BSN: variants seen among roughly 807,000 people sequenced by gnomAD.
The protein encoded by BSN is bassoon presynaptic cytomatrix protein.
In BSN, 57 loss-of-function variants were observed where a neutral mutation model predicts 264.8. The observed-to-expected ratio is 0.22, with a 90% CI of 0.17 to 0.27. The LOEUF is 0.27. BSN is among the 10% of genes least tolerant of loss of function. The probability of loss-of-function intolerance (pLI) is 1.00; values close to 1 mark genes in which losing one functional copy is unlikely to be tolerated. For synonymous variants in BSN, 2,059 were observed against 2,137.3 expected (o/e 0.96, Z 1.01); for missense variants, 4,615 against 5,232.5 (o/e 0.88, Z 3.64).
intron 1 of BSN, among the ~76,000 whole-genome samples, chr3:49,583,105 A>G (rs1020841146): frequency 3.9e-5 from 6 of 152,080 alleles, no homozygotes; most frequent in Admixed American, 3.9e-4. Flanking sequence ...AGTAGCTGGG[A>G]TTACAGGTGC....
intron 2 of BSN, among the ~76,000 whole-genome samples, chr3:49,628,692 G>C (rs1245128393): frequency 6.6e-6 from 1 of 152,240 alleles, no homozygotes; most frequent in Non-Finnish European, 1.5e-5. Flanking sequence ...GGAGCTCAGA[G>C]CACAGTCCCT....
chr3:49,603,752 A>G (rs929945500), intron 1 of BSN, among the ~76,000 whole-genome samples: 1 of 152,320 alleles, frequency 6.6e-6, no homozygotes, highest in Middle Eastern at 3.4e-3. Context: ...TATTTAATGC[A>G]TTCACAATAT....
rs2108019313 is a variant in BSN, at chr3:49,585,578, A to C, written c.224+30752A>C. 6.6e-6 allele frequency among the ~76,000 whole-genome samples: 1 copy of C among 152,344 alleles called. No individual in the cohort carries two copies. Among genetic ancestry groups the C allele is most frequent in the African/African-American group, 2.4e-5 (1 of 41,590 alleles). On this transcript the variant is annotated intron_variant, in intron 1 of 11. Transcript: ENST00000296452. This position sits in a 1 kb window ranked among gnomAD's most constrained non-coding sequence, Gnocchi z 4.7. ...CCGGTCCGCCGCCGGTTTCCTTGGAAGTTAAATCTTGGAGGATTTGTCCAC... is the reference window on the plus strand; with the variant it reads ...CCGGTCCGCCGCCGGTTTCCTTGGACGTTAAATCTTGGAGGATTTGTCCAC...
At chr3:49,606,761 T>A (rs1303680857) in intron 1 of BSN, among the ~76,000 whole-genome samples, 1 of 152,126 alleles carries the variant, frequency 6.6e-6, no homozygotes, top group Non-Finnish European at 1.5e-5. Flanking sequence ...CAAGCTACCT[T>A]GAGTCCCCAG....
chr3:49,637,506 G>A (rs1355887243), intron 2 of BSN, among the ~76,000 whole-genome samples: 1 of 152,186 alleles, frequency 6.6e-6, no homozygotes, highest in Non-Finnish European at 1.5e-5. Flanking sequence ...ACCAGGGAGT[G>A]ACCATTGCAG....
At position 49,642,538 on chromosome 3, in the gene BSN, G is replaced by A. The variant is rs750415602; in HGVS notation, c.904G>A (p.Val302Met). 1.9e-6 allele frequency: 3 copies of A among 1,590,488 alleles called. No individual in the cohort carries two copies. Among genetic ancestry groups the A allele is most frequent in the East Asian group, 4.5e-5 (2 of 44,470 alleles). ...AGCTGCCCCTCCAGAGGTGGGGAGG[G>A]TGTCTCCTCAGCCCCCTCAACCCAC... ...QAAAPPEVGR[V>M]SPQPPQPTKP... Residue 302 changes from valine to methionine, a missense_variant, in exon 3 of 12, where the codon GTG (valine) becomes ATG (methionine). This residue lies in a region of BSN where 1,197 missense variants were observed against 1,348.0 expected (regional missense o/e 0.89). Coordinates refer to ENST00000296452, the MANE Select transcript of BSN (RefSeq NM_003458.4). The surrounding 1 kb of genome is among the most constrained non-coding windows in gnomAD (Gnocchi z 7.0).
rs769422012 is a variant in BSN, at chr3:49,650,683, C to A, written c.1590C>A (p.Pro530=). Residue 530 remains proline (P), a synonymous_variant, in exon 4 of 12, where the codon CCC becomes CCA. Coordinates refer to ENST00000296452, the MANE Select transcript of BSN (RefSeq NM_003458.4). ...AGGGCAGCCTAGGAGAGCCGACCCC[C>A]CTGCCGCCGCCCACCTCACAGCAGC... ...LLEGSLGEPT[P]LPPPTSQQPP... is the part of the protein sequence containing the mutation. The A allele has an allele frequency of 5.0e-6, 8 of 1,610,198 alleles. No individual in the cohort carries two copies. The South Asian group carries it at 7.7e-5, about 16-fold the overall frequency.
chr3:49,594,175 A>G (rs758412632), intron 1 of BSN, among the ~76,000 whole-genome samples: 1 of 152,136 alleles, frequency 6.6e-6, no homozygotes, highest in Admixed American at 6.5e-5. Flanking sequence ...TTCTTTTCAC[A>G]TGGGCTTTAA....
In BSN at chr3:49,654,039, A is replaced by G. The variant is rs1317955272; in HGVS notation, c.4483A>G (p.Lys1495Glu). Reference sequence around the variant, plus strand: ...AGAGAGTCCCACATTCTCCCCTGGCAAGATGGGCCCAAGGGCCACAGCAGA... The same window carrying G: ...AGAGAGTCCCACATTCTCCCCTGGCGAGATGGGCCCAAGGGCCACAGCAGA... ...PSESPTFSPGKMGPRATAEFS... is the reference protein window; with the variant it reads ...PSESPTFSPGEMGPRATAEFS... Residue 1495 changes from lysine (K) to glutamate (E), a missense_variant, in exon 5 of 12, where the codon AAG becomes GAG. Lys to Glu is a moderately conservative substitution (Grantham distance 56). Transcript: ENST00000296452. The surrounding 1 kb of genome is among the most constrained non-coding windows in gnomAD (Gnocchi z 4.1). 1.9e-6 allele frequency: 3 copies of G among 1,613,678 alleles called. No individual in the cohort carries two copies. Among genetic ancestry groups the G allele is most frequent in the Non-Finnish European group, 2.5e-6 (3 of 1,179,942 alleles).
Position 49,625,437 on chromosome 3 carries a change from C to T in BSN, c.633+54C>T, listed in dbSNP as rs551023784. 150 of 1,392,726 alleles carry T rather than the reference C, an allele frequency of 1.1e-4. 2 individuals are homozygous for T. In the South Asian group the frequency reaches 1.9e-3, roughly 17 times the overall value. The allele number at this position is 1,392,726 out of a possible 1,614,324, so 86.3% of individuals were successfully genotyped here. A position where few individuals can be genotyped will look rare whatever the true frequency, so the allele number is the denominator to read the frequency against. ...CACCTGCTACCTCATTACCATACCT[C>T]CCCTGGTTCCCTTCCCCTCTTTCAC... On this transcript the variant is annotated intron_variant, in intron 2 of 11. Transcript: ENST00000296452. The surrounding 1 kb of genome is among the most constrained non-coding windows in gnomAD (Gnocchi z 4.4).
At chr3:49,665,538 C>A (rs2052706593) in intron 11 of BSN, among the ~76,000 whole-genome samples, 1 of 152,218 alleles carries the variant, frequency 6.6e-6, no homozygotes, top group Non-Finnish European at 1.5e-5. Context: ...TGGAGAAGAG[C>A]CCAGCACGGC....
In BSN at chr3:49,656,885, ACAGCTAGCGCAGCAGCGTCTG is replaced by A; in HGVS notation, c.7335_7355del (p.Ala2446_Leu2452del). The A allele has an allele frequency of 2.5e-6, 4 of 1,601,672 alleles. No individual in the cohort carries two copies. Among genetic ancestry groups the A allele is most frequent in the Non-Finnish European group, 3.4e-6 (4 of 1,174,320 alleles). ...AGGCTCAATTTGCACTGCAGCGGGA[ACAGCTAGCGCAGCAGCGTCTG>A]CAGCTGGAGCAGATCCAGCAGCTGC... On this transcript the variant is annotated inframe_deletion, in exon 5 of 12. Transcript: ENST00000296452.
rs143224797 is a variant in BSN, at chr3:49,654,303, T to C, written c.4747T>C (p.Ser1583Pro). The C allele has an allele frequency of 1.2e-6, 2 of 1,613,484 alleles. No individual in the cohort carries two copies. Among genetic ancestry groups the C allele is most frequent in the African/African-American group, 2.7e-5 (2 of 74,826 alleles). ...CAGTGCCTCCACCTCCCCGCTCTGC[T>C]CACCTACTGAAACCCAGCCCACCAC... ...HASASTSPLC[S>P]PTETQPTTHG... Residue 1583 changes from serine (S) to proline (P), a missense_variant, in exon 5 of 12, where the codon TCA becomes CCA. Ser to Pro is a moderately conservative substitution (Grantham distance 74). Coordinates refer to ENST00000296452, the MANE Select transcript of BSN (RefSeq NM_003458.4). The surrounding 1 kb of genome is among the most constrained non-coding windows in gnomAD (Gnocchi z 4.1).
intron 1 of BSN, among the ~76,000 whole-genome samples, chr3:49,574,853 G>A (rs1216386909): frequency 6.6e-6 from 1 of 151,654 alleles, no homozygotes; most frequent in Admixed American, 6.6e-5. Context: ...GGCCAGGCTG[G>A]TCTTGAACTC....
chr3:49,605,512 TA>T (rs1288887032), intron 1 of BSN, among the ~76,000 whole-genome samples: 9 of 4,592 alleles, frequency 2.0e-3, no homozygotes, highest in African/African-American at 8.3e-3. Context: ...ATATATTATA[TA>T]ATATATATAT....
At position 49,652,824 on chromosome 3, in the gene BSN, T is replaced by C; in HGVS notation, c.3268T>C (p.Ser1090Pro). Residue 1090 changes from serine to proline, a missense_variant, in exon 5 of 12, where the codon TCC becomes CCC. Ser to Pro is a moderately conservative substitution (Grantham distance 74, BLOSUM62 -1). Around this residue, in one of 3 missense-constraint regions of BSN, gnomAD observed 3,415 missense variants for 3,866.4 expected, o/e 0.88. Coordinates refer to ENST00000296452, the MANE Select transcript of BSN (RefSeq NM_003458.4). ...GCGGGCCCAGCGGAGGCGAGAGCGC[T>C]CCAAGACACCACCCAGTAACTTGTC... is the stretch of plus-strand genomic sequence containing the variant. The part of the protein sequence containing the change: ...ELRAQRRRER[S>P]KTPPSNLSPI... The C allele has an allele frequency of 6.3e-7, 1 of 1,581,834 alleles. No individual in the cohort carries two copies. The highest frequency in any genetic ancestry group is 1.2e-5 in the South Asian group (1 of 86,666).
chr3:49,572,557 G>A (rs1014376240), intron 1 of BSN, among the ~76,000 whole-genome samples: 2 of 152,048 alleles, frequency 1.3e-5, no homozygotes, highest in African/African-American at 2.4e-5. Flanking sequence ...TTTTTGAGAC[G>A]GTGTCTTGCT....
At position 49,664,435 on chromosome 3, in the gene BSN, G is replaced by C. The variant is rs1449477012; in HGVS notation, c.11621G>C (p.Gly3874Ala). The change falls in exon 9 of 12, where the codon GGA (glycine) becomes GCA (alanine). Residue 3874 changes from glycine to alanine, a missense_variant. Physicochemically the swap from Gly to Ala is moderately conservative, Grantham distance 60. Around this residue, in one of 3 missense-constraint regions of BSN, gnomAD observed 3,415 missense variants for 3,866.4 expected, o/e 0.88. Coordinates refer to ENST00000296452, the MANE Select transcript of BSN (RefSeq NM_003458.4). The part of the protein sequence containing the change: ...PGPGPAGVKA[G>A]ARPGGTPGAP... The stretch of plus-strand genomic sequence containing the variant: ...TCTTTCCTCCTAGGTGTGAAGGCTG[G>C]AGCCAGGCCTGGAGGAACCCCAGGG... 2 of 1,613,604 alleles carry C rather than the reference G, an allele frequency of 1.2e-6. No individual in the cohort carries two copies. Among genetic ancestry groups the C allele is most frequent in the African/African-American group, 1.3e-5 (1 of 74,906 alleles).
At chr3:49,639,199 C>CTTTTTTT (rs71631022) in intron 2 of BSN, among the ~76,000 whole-genome samples, 6 of 133,872 alleles carry the variant, frequency 4.5e-5, no homozygotes, top group Admixed American at 7.5e-5. Context: ...CTTTCTTTTT[C>CTTTTTTT]TTTTTTTTTT....
Sources: allele counts gnomAD v4.1 joint callset (sites outside exome capture counted in the v4.1 genomes callset), GRCh38; gene constraint gnomAD v4.1.1; regional missense constraint gnomAD v4.1.1; non-coding constraint Gnocchi (gnomAD v3.1); transcripts MANE v1.5; gene names NCBI Gene and HGNC (gene_info 2026-07-23, HGNC 2026-07-21).